The following PCNX2 variants were observed in gnomAD, a reference collection of about 807,000 sequenced individuals.
PCNX2 encodes the protein pecanex-like protein 2.
In PCNX2, 168 loss-of-function variants were observed where a neutral mutation model predicts 223.8. The observed-to-expected ratio is 0.75, with a 90% CI of 0.66 to 0.85. The LOEUF (loss-of-function observed/expected upper bound fraction) is 0.85, where lower values mean the gene tolerates loss of function less well. Ranked by LOEUF, PCNX2 falls within the 40% of genes least tolerant of loss-of-function variation. The pLI, the probability that PCNX2 is intolerant of heterozygous loss-of-function variation, is 0.00. For missense variants in PCNX2, 2,507 were observed against 2,675.5 expected (o/e 0.94, Z 1.39); for synonymous variants, 1,006 against 1,052.6 (o/e 0.96, Z 0.86).
intron 25 of PCNX2, among the ~76,000 whole-genome samples, chr1:233,034,467 T>C (rs756358489): frequency 6.6e-6 from 1 of 152,226 alleles, no homozygotes; most frequent in Non-Finnish European, 1.5e-5. Flanking sequence ...TAAATGTTTG[T>C]TGTCTAAGCC....
chr1:233,311,537 AC>A, the PCNX2 span, among the ~76,000 whole-genome samples: 625 of 152,348 alleles, frequency 4.1e-3, 3 homozygotes, highest in African/African-American at 0.014. Flanking sequence ...GCTTTGAATA[AC>A]TTCAGTATGG....
chr1:233,312,663 A>G, the PCNX2 span, among the ~76,000 whole-genome samples: 4 of 152,214 alleles, frequency 2.6e-5, no homozygotes, highest in Admixed American at 2.0e-4. Context: ...AAAATCCATA[A>G]CTACACTCAA....
intron 25 of PCNX2, among the ~76,000 whole-genome samples, chr1:233,048,696 T>C (rs75132601): frequency 0.025 from 3,790 of 152,002 alleles, 145 homozygotes; most frequent in African/African-American, 0.085. Context: ...CCAAAATCCA[T>C]ACAAAGAGTC....
chr1:233,016,158 C>G (rs878883918), intron 27 of PCNX2, among the ~76,000 whole-genome samples: 1 of 152,114 alleles, frequency 6.6e-6, no homozygotes, highest in Admixed American at 6.6e-5. Flanking sequence ...CTTCTCCCAC[C>G]TGTTTTTAAT....
chr1:233,053,953 C>T (rs1318338057), intron 25 of PCNX2, among the ~76,000 whole-genome samples: 1 of 152,168 alleles, frequency 6.6e-6, no homozygotes, highest in Non-Finnish European at 1.5e-5. Context: ...CATTTGGAAC[C>T]CCAAATGATG....
chr1:233,169,073 T>C (rs1188666004), intron 17 of PCNX2, among the ~76,000 whole-genome samples: 1 of 152,136 alleles, frequency 6.6e-6, no homozygotes, highest in Non-Finnish European at 1.5e-5. Flanking sequence ...AATTTGCCTA[T>C]AGGGTTTTAA....
intron 13 of PCNX2, among the ~76,000 whole-genome samples, chr1:233,201,018 T>A (rs1288794690): frequency 2.3e-4 from 20 of 86,264 alleles, no homozygotes; most frequent in African/African-American, 9.0e-4. Flanking sequence ...AGAGCAAGAC[T>A]CCGTCTCAAA....
intron 9 of PCNX2, chr1:233,231,666 T>C (rs1402501532): frequency 3.0e-6 from 3 of 985,022 alleles, no homozygotes; most frequent in East Asian, 1.1e-4. Flanking sequence ...GAGTGAACAG[T>C]AGACAGAAGA....
chr1:233,189,285 T>G (rs556391456), intron 15 of PCNX2, among the ~76,000 whole-genome samples: 3 of 152,306 alleles, frequency 2.0e-5, no homozygotes, highest in Admixed American at 1.3e-4. Context: ...AAGGGGCAAA[T>G]GAGAAGACAC....
intron 22 of PCNX2, among the ~76,000 whole-genome samples, chr1:233,092,829 C>T (rs1003068478): frequency 4.6e-5 from 7 of 151,996 alleles, no homozygotes; most frequent in South Asian, 4.2e-4. Context: ...AATGAAGTCT[C>T]GCTCTGTCAC....
intron 22 of PCNX2, among the ~76,000 whole-genome samples, chr1:233,092,817 G>T (rs972035605): frequency 6.6e-6 from 1 of 151,540 alleles, no homozygotes; most frequent in Non-Finnish European, 1.5e-5. Flanking sequence ...TGTTTTTTTT[G>T]AAATGAAGTC....
At chr1:233,078,200 G>C (rs1223577213) in intron 23 of PCNX2, among the ~76,000 whole-genome samples, 1 of 152,154 alleles carries the variant, frequency 6.6e-6, no homozygotes, top group Non-Finnish European at 1.5e-5. Context: ...ACCTACAGTG[G>C]TCTGCTGTTA....
chr1:233,232,063 G>A (rs1658094898), intron 9 of PCNX2, among the ~76,000 whole-genome samples: 2 of 152,180 alleles, frequency 1.3e-5, no homozygotes, highest in Admixed American at 6.5e-5. Context: ...AATTATAACT[G>A]GATGTGAGCA....
chr1:233,311,033 T>C, the PCNX2 span, among the ~76,000 whole-genome samples: 1 of 152,142 alleles, frequency 6.6e-6, no homozygotes. Flanking sequence ...ATCCAAACCA[T>C]AGCAGGAAGC....
intron 13 of PCNX2, chr1:233,201,993 C>T (rs1427198144): frequency 3.4e-6 from 1 of 292,396 alleles, no homozygotes; most frequent in Non-Finnish European, 7.1e-6. Context: ...CAAGGAGGTC[C>T]ATGCACTAGA....
At chr1:233,008,775 C>T (rs926878061) in intron 28 of PCNX2, among the ~76,000 whole-genome samples, 1 of 152,212 alleles carries the variant, frequency 6.6e-6, no homozygotes, top group African/African-American at 2.4e-5. Flanking sequence ...GATGCCATCC[C>T]AGGGTTGAAG....
At chr1:233,255,586 A>G (rs1293324112) in intron 5 of PCNX2, among the ~76,000 whole-genome samples, 2 of 152,218 alleles carry the variant, frequency 1.3e-5, no homozygotes, top group Non-Finnish European at 2.9e-5. Flanking sequence ...AGGCTTTTCA[A>G]AAGTGTGTGG....
chr1:233,192,938 TAA>T (rs1680499478), intron 15 of PCNX2, among the ~76,000 whole-genome samples: 1 of 149,562 alleles, frequency 6.7e-6, no homozygotes, highest in Admixed American at 6.7e-5. Flanking sequence ...GATTTCATGT[TAA>T]GAGTTCTTAC....
In PCNX2 at chr1:233,252,729, T is replaced by A; in HGVS notation, c.1894A>T (p.Ser632Cys). The A allele has an allele frequency of 1.2e-6, 2 of 1,613,876 alleles. No homozygotes were observed. The highest frequency in any genetic ancestry group is 4.5e-5 in the East Asian group (2 of 44,878). Reference protein sequence around the residue: ...ILENEKPSGHSSKQGKPDLQS... With the variant: ...ILENEKPSGHCSKQGKPDLQS... ...AAATCTGGTTTTCCTTGCTTAGAAC[T>A]GTGTCCACTGGGCTTTTCATTTTCC... is the stretch of plus-strand genomic sequence containing the variant. The change falls in exon 6 of 34, where the codon AGT becomes TGT. Residue 632 changes from serine (S) to cysteine (C), a missense_variant. By Grantham distance (112) the Ser-to-Cys change is moderately radical. This residue lies in a region of PCNX2 where 1,031 missense variants were observed against 1,021.7 expected (regional missense o/e 1.01). Transcript: ENST00000258229.
Sources: allele counts gnomAD v4.1 joint callset (sites outside exome capture counted in the v4.1 genomes callset), GRCh38; gene constraint gnomAD v4.1.1; regional missense constraint gnomAD v4.1.1; transcripts MANE v1.5; gene names NCBI Gene and HGNC (gene_info 2026-07-23, HGNC 2026-07-21).